Variants in SERPINE2 observed in about 807,000 individuals in gnomAD.
The protein encoded by SERPINE2 is serpin family E member 2, also known as glia-derived nexin.
A neutral mutation model predicts 36.3 loss-of-function variants in SERPINE2; 14 were observed. The observed-to-expected ratio is 0.39, with a 90% CI of 0.25 to 0.60. SERPINE2 has a LOEUF of 0.60. SERPINE2 is among the 20% of genes least tolerant of loss of function. The pLI is 0.57. For synonymous variants in SERPINE2, 192 were observed against 191.8 expected (o/e 1.00, Z -0.01); for missense variants, 418 against 499.6 (o/e 0.84, Z 1.56).
Position 224,005,097 on chromosome 2 carries a change from A to AT in SERPINE2, c.-22-3176_-22-3175insA, listed in dbSNP as rs58677711. On this transcript the variant is annotated intron_variant, in intron 1 of 8. Transcript: ENST00000409304. Reference sequence around the variant, plus strand: ...TATATATATATATATATATATATATAAAACATTGTAAAAACAGGGTGAAAG... The same window carrying AT: ...TATATATATATATATATATATATATATAAACATTGTAAAAACAGGGTGAAAG... Among the ~76,000 whole-genome samples the AT allele has an allele frequency of 1.4e-3, 176 of 126,454 alleles. 2 individuals are homozygous for AT. The highest frequency in any genetic ancestry group is 2.2e-3 in the African/African-American group (63 of 28,918). 83.0% of individuals were successfully genotyped at this position (126,454 alleles called of 152,430 possible).
At chr2:224,001,045 C>A (rs566309046) in intron 2 of SERPINE2, among the ~76,000 whole-genome samples, 17 of 152,072 alleles carry the variant, frequency 1.1e-4, no homozygotes, top group African/African-American at 4.1e-4. Flanking sequence ...TGCCTTTCAC[C>A]CAGTCTTCCC....
rs377391881 is a variant in SERPINE2, at chr2:224,026,833, T to C, written c.-23+12266A>G. On this transcript the variant is annotated intron_variant, in intron 1 of 8. Coordinates refer to ENST00000409304, the MANE Select transcript of SERPINE2 (RefSeq NM_001136528.2). ...TTTAATGCTTCACACCTTTCCAAAGTTGTCCATGAAAACTTTTGTCTTCCT... is the reference window on the plus strand; with the variant it reads ...TTTAATGCTTCACACCTTTCCAAAGCTGTCCATGAAAACTTTTGTCTTCCT... Among the ~76,000 whole-genome samples, 108 of 152,318 alleles carry C rather than the reference T, an allele frequency of 7.1e-4. 1 individual carries two copies. The South Asian group carries it at 0.016, about 23-fold the overall frequency.
At chr2:223,988,697 T>C (rs1178892408) in intron 4 of SERPINE2, among the ~76,000 whole-genome samples, 3 of 152,248 alleles carry the variant, frequency 2.0e-5, no homozygotes, top group African/African-American at 7.2e-5. Flanking sequence ...TTCCTATTCC[T>C]ATCCCAGGAA....
At chr2:224,018,977 T>A (rs1332673967) in intron 1 of SERPINE2, among the ~76,000 whole-genome samples, 1 of 152,200 alleles carries the variant, frequency 6.6e-6, no homozygotes, top group Non-Finnish European at 1.5e-5. Context: ...ATCCCTATGA[T>A]GACTTCTCCA....
intron 1 of SERPINE2, chr2:224,038,859 C>G (rs1325191611): frequency 1.2e-5 from 3 of 252,586 alleles, no homozygotes; most frequent in Non-Finnish European, 2.2e-5. Context: ...GCTCGGGGCT[C>G]CCGGCGGGCG....
intron 1 of SERPINE2, among the ~76,000 whole-genome samples, chr2:224,031,687 C>G (rs888331417): frequency 6.6e-6 from 1 of 152,138 alleles, no homozygotes; most frequent in Non-Finnish European, 1.5e-5. Flanking sequence ...CTGCCCACAG[C>G]CATTGGTACA....
intron 1 of SERPINE2, among the ~76,000 whole-genome samples, chr2:224,005,536 G>C (rs866771703): frequency 6.6e-6 from 1 of 152,148 alleles, no homozygotes; most frequent in Admixed American, 6.5e-5. Context: ...AGGAGAGTGG[G>C]TGTTGATCTA....
chr2:223,983,760 G>T (rs6759169), intron 5 of SERPINE2, among the ~76,000 whole-genome samples: 33,868 of 87,130 alleles, frequency 0.39, 4,272 homozygotes, highest in Non-Finnish European at 0.53. Context: ...GTGTGTGTGT[G>T]TGTGTAAATG....
intron 3 of SERPINE2, among the ~76,000 whole-genome samples, chr2:223,992,794 G>A (rs1690726593): frequency 6.6e-6 from 1 of 152,080 alleles, no homozygotes; most frequent in East Asian, 1.9e-4. Flanking sequence ...CCCCATATAT[G>A]TACAATTATT....
intron 1 of SERPINE2, among the ~76,000 whole-genome samples, chr2:224,016,606 G>A (rs1691808573): frequency 6.6e-6 from 1 of 151,754 alleles, no homozygotes; most frequent in South Asian, 2.1e-4. Context: ...GCACTTAACT[G>A]TATAATCCAG....
intron 1 of SERPINE2, among the ~76,000 whole-genome samples, chr2:224,003,519 C>T (rs140664733): frequency 3.9e-5 from 6 of 152,300 alleles, no homozygotes; most frequent in African/African-American, 1.4e-4. Flanking sequence ...TAGGGTAGGA[C>T]AATTGGTAAA....
chr2:223,990,152 A>G (rs1481256585), intron 4 of SERPINE2, among the ~76,000 whole-genome samples: 6 of 151,916 alleles, frequency 3.9e-5, no homozygotes. Context: ...TCGCCTGCAG[A>G]CTCCCAGCAG....
intron 1 of SERPINE2, among the ~76,000 whole-genome samples, chr2:224,023,492 A>C (rs993646329): frequency 2.6e-5 from 4 of 152,232 alleles, no homozygotes; most frequent in African/African-American, 9.6e-5. Context: ...GAAAGTGCTG[A>C]GCTTGTATTC....
chr2:224,015,766 G>T (rs540561971), intron 1 of SERPINE2, among the ~76,000 whole-genome samples: 1 of 152,214 alleles, frequency 6.6e-6, no homozygotes, highest in East Asian at 1.9e-4. Context: ...TTCATAAAAC[G>T]AAAAACTGAT....
chr2:224,013,604 G>C (rs2106182434), intron 1 of SERPINE2, among the ~76,000 whole-genome samples: 1 of 152,268 alleles, frequency 6.6e-6, no homozygotes. Flanking sequence ...ATATATGAAT[G>C]TTTTAGGTTT....
chr2:224,020,768 C>A (rs562049091), intron 1 of SERPINE2, among the ~76,000 whole-genome samples: 1 of 152,272 alleles, frequency 6.6e-6, no homozygotes, highest in East Asian at 1.9e-4. Flanking sequence ...GAAAATACTG[C>A]ACATATAATG....
chr2:224,023,187 C>A (rs184144488), intron 1 of SERPINE2, among the ~76,000 whole-genome samples: 1 of 152,324 alleles, frequency 6.6e-6, no homozygotes, highest in East Asian at 1.9e-4. Flanking sequence ...TGAGGAAAGT[C>A]CTTATTGGTC....
At chr2:224,016,121 A>G (rs1691790684) in intron 1 of SERPINE2, among the ~76,000 whole-genome samples, 1 of 152,340 alleles carries the variant, frequency 6.6e-6, no homozygotes. Flanking sequence ...ACTAGTGACA[A>G]CACCAATTGC....
intron 4 of SERPINE2, among the ~76,000 whole-genome samples, chr2:223,989,671 C>T (rs899985791): frequency 6.6e-6 from 1 of 152,156 alleles, no homozygotes; most frequent in Non-Finnish European, 1.5e-5. Context: ...AGAGTCGCAT[C>T]CAGTTCCAGG....
Sources: gnomAD v4.1 joint callset for allele counts (sites outside exome capture counted in the v4.1 genomes callset) on GRCh38, gnomAD v4.1.1 for gene constraint, MANE v1.5 for transcripts, NCBI Gene and HGNC (gene_info 2026-07-23, HGNC 2026-07-21) for gene names.